Variants in FABP3 observed in about 807,000 individuals in gnomAD.
The protein encoded by FABP3 is fatty acid-binding protein, heart.
A neutral mutation model predicts 13.4 loss-of-function variants in FABP3; 8 were observed. The observed-to-expected ratio is 0.60, with a 90% CI of 0.35 to 1.07. The LOEUF (loss-of-function observed/expected upper bound fraction) is 1.07. Among genes scored for constraint, FABP3 ranks in the 50% least tolerant of loss-of-function variants. The probability of loss-of-function intolerance (pLI) is 0.02; values close to 1 mark genes in which losing one functional copy is unlikely to be tolerated. For synonymous variants in FABP3, 64 were observed against 60.0 expected, an observed-to-expected ratio of 1.07 and a Z score of -0.31; for missense variants, 135 against 164.7, an observed-to-expected ratio of 0.82 and a Z score of 0.99.
At chr1:31,364,464 A>T (rs999802681), downstream of FABP3, 10 of 505,024 alleles carry the variant, frequency 2.0e-5, no homozygotes, top group Non-Finnish European at 3.4e-5. Flanking sequence ...TCCTTCATTC[A>T]GCAGGAGGTC....
downstream of FABP3, among the ~76,000 whole-genome samples, chr1:31,360,575 T>G (rs777055195): frequency 2.0e-5 from 3 of 152,252 alleles, no homozygotes; most frequent in Non-Finnish European, 4.4e-5. Context: ...TTGTTCAGGC[T>G]GCAAAACAGC....
At chr1:31,367,138 C>T (rs913749291) in intron 3 of FABP3, among the ~76,000 whole-genome samples, 1 of 152,166 alleles carries the variant, frequency 6.6e-6, no homozygotes, top group East Asian at 1.9e-4. Context: ...TATTAATACC[C>T]GTTTTACAGT....
chr1:31,363,773 C>T (rs1023025877), downstream of FABP3, among the ~76,000 whole-genome samples: 27 of 152,092 alleles, frequency 1.8e-4, no homozygotes, highest in African/African-American at 6.3e-4. Context: ...GGCAACAGAG[C>T]GAGACTGTCT....
chr1:31,365,630 T>G lies in FABP3; in HGVS notation c.*256A>C. The G allele has an allele frequency of 2.3e-6, 1 of 442,174 alleles. No homozygotes were observed. Among genetic ancestry groups the G allele is most frequent in the Non-Finnish European group, 4.2e-6 (1 of 239,844 alleles). The allele number at this position is 442,174 out of a possible 1,614,324, so 27.4% of individuals were successfully genotyped here. Reference sequence around the variant, plus strand: ...ATAAACCAAGACTCCCAGAGTTATGTTACCAAAGGCAAAAAGGCAACTGGG... The same window carrying G: ...ATAAACCAAGACTCCCAGAGTTATGGTACCAAAGGCAAAAAGGCAACTGGG... On this transcript the variant is annotated 3_prime_UTR_variant, in exon 4 of 4. Coordinates refer to ENST00000373713, the MANE Select transcript of FABP3 (RefSeq NM_004102.5).
chr1:31,372,887 G>T, intron 1 of FABP3, 55 bp downstream of exon 1: 1 of 1,538,956 alleles, frequency 6.5e-7, no homozygotes, highest in Non-Finnish European at 8.9e-7. Context: ...CGTGGGGCTA[G>T]GCACGCCACC....
At chr1:31,363,813 T>A (rs1640023565), downstream of FABP3, among the ~76,000 whole-genome samples, 1 of 152,114 alleles carries the variant, frequency 6.6e-6, no homozygotes, top group African/African-American at 2.4e-5. Context: ...CCCTATTGAT[T>A]GTGTGCTATA....
chr1:31,362,774 A>T (rs1296212839), downstream of FABP3, among the ~76,000 whole-genome samples: 1 of 152,222 alleles, frequency 6.6e-6, no homozygotes, highest in Non-Finnish European at 1.5e-5. Context: ...CTGTTTCTAG[A>T]TAGACTGGCT....
intron 1 of FABP3, among the ~76,000 whole-genome samples, chr1:31,369,971 G>A (rs928506462): frequency 6.6e-6 from 1 of 152,058 alleles, no homozygotes; most frequent in South Asian, 2.1e-4. Flanking sequence ...CAGATGTGGT[G>A]GTATGTGCCT....
At chr1:31,361,231 C>T, downstream of FABP3, among the ~76,000 whole-genome samples, 1 of 152,168 alleles carries the variant, frequency 6.6e-6, no homozygotes, top group East Asian at 1.9e-4. Context: ...TCTCTCTACT[C>T]CATTGGAGAT....
chr1:31,367,547 G>T (rs1265688010), intron 2 of FABP3, 53 bp from the exon 3 acceptor site: 1 of 1,473,524 alleles, frequency 6.8e-7, no homozygotes, highest in Non-Finnish European at 9.5e-7. Context: ...GAATTGAGGG[G>T]CAGGGTGGGG....
downstream of FABP3, among the ~76,000 whole-genome samples, chr1:31,363,798 TGGTCC>T (rs1640022779): frequency 1.3e-5 from 2 of 152,082 alleles, no homozygotes; most frequent in Admixed American, 1.3e-4. Context: ...GAAAATTAAG[TGGTCC>T]CCTATTGATT....
downstream of FABP3, chr1:31,364,251 A>G (rs1640046876): frequency 2.2e-5 from 34 of 1,556,430 alleles, no homozygotes; most frequent in South Asian, 4.0e-4. Flanking sequence ...TTGTGCCTTG[A>G]GACTCCTGGA....
intron 1 of FABP3, among the ~76,000 whole-genome samples, chr1:31,370,477 G>A (rs1640189880): frequency 6.6e-6 from 1 of 152,204 alleles, no homozygotes; most frequent in Non-Finnish European, 1.5e-5. Flanking sequence ...ACTAAGAAGT[G>A]TTAGTGCTCT....
rs1640134806 is a variant in FABP3, at chr1:31,367,508, G to A, written c.247-14C>T. The A allele has an allele frequency of 3.1e-6, 5 of 1,605,144 alleles. No individual in the cohort carries two copies. In the South Asian group the frequency reaches 5.5e-5, roughly 18 times the overall value. On this transcript the variant is annotated splice_polypyrimidine_tract_variant and intron_variant, in intron 2 of 3. Transcript: ENST00000373713. ...TGTCACAATGGACTGTGGAAAGAGG[G>A]TAGAGGCCTGAGCTGTGATCTTAGT...
At chr1:31,364,391 T>C, downstream of FABP3, 7 of 889,580 alleles carry the variant, frequency 7.9e-6, no homozygotes, top group Non-Finnish European at 1.2e-5. Context: ...AGTTGTTGTT[T>C]CCTTATCACT....
chr1:31,369,274 C>T, intron 2 of FABP3, 111 bp downstream of exon 2: 2 of 1,122,950 alleles, frequency 1.8e-6, no homozygotes, highest in Non-Finnish European at 2.6e-6. Context: ...ATTTAAATTC[C>T]CCATGATAGT....
chr1:31,370,465 A>T (rs1395669926), intron 1 of FABP3, among the ~76,000 whole-genome samples: 1 of 152,238 alleles, frequency 6.6e-6, no homozygotes, highest in East Asian at 1.9e-4. Flanking sequence ...TTTTACCCTG[A>T]AACTAAGAAG....
downstream of FABP3, chr1:31,364,235 G>A: frequency 6.3e-7 from 1 of 1,581,076 alleles, no homozygotes; most frequent in Non-Finnish European, 8.6e-7. Flanking sequence ...TAAGAAACCA[G>A]GAGCCTTGTG....
chr1:31,368,601 T>C (rs1640151257), intron 2 of FABP3, among the ~76,000 whole-genome samples: 1 of 152,138 alleles, frequency 6.6e-6, no homozygotes, highest in African/African-American at 2.4e-5. Context: ...TGAATGATAG[T>C]GTCATGATAG....
Sources: allele counts gnomAD v4.1 joint callset (sites outside exome capture counted in the v4.1 genomes callset), GRCh38; gene constraint gnomAD v4.1.1; transcripts MANE v1.5; gene names NCBI Gene and HGNC (gene_info 2026-07-23, HGNC 2026-07-21).